RBFOX1: variants seen among roughly 807,000 people sequenced by gnomAD.
RBFOX1 encodes the protein RNA binding protein fox-1 homolog 1.
A neutral mutation model predicts 57.7 loss-of-function variants in RBFOX1; 8 were observed. The ratio of observed to expected loss-of-function variants is 0.14; its 90% CI spans 0.08 to 0.25. The LOEUF (loss-of-function observed/expected upper bound fraction) is 0.25. RBFOX1 is among the 10% of genes least tolerant of loss of function. RBFOX1 has a pLI of 1.00. For synonymous variants in RBFOX1, 326 were observed against 222.4 expected, an observed-to-expected ratio of 1.47 and a Z score of -4.15; for missense variants, 611 against 548.5, an observed-to-expected ratio of 1.11 and a Z score of -1.14.
chr16:6,101,185 C>G (rs976082112), intron 1 of RBFOX1, among the ~76,000 whole-genome samples: 2 of 152,176 alleles, frequency 1.3e-5, no homozygotes, highest in Non-Finnish European at 2.9e-5. Flanking sequence ...TTTATGAGAA[C>G]ATCTAAAGGC....
chr16:6,749,389 C>T (rs2074452477), intron 3 of RBFOX1, among the ~76,000 whole-genome samples: 1 of 152,180 alleles, frequency 6.6e-6, no homozygotes, highest in Admixed American at 6.6e-5. Flanking sequence ...CATCCTTCCC[C>T]CAAGGAGGCA....
Position 6,550,113 on chromosome 16 carries a change from G to A in RBFOX1, c.-63-104490G>A, listed in dbSNP as rs377492157. Among the ~76,000 whole-genome samples, 8 of 151,988 alleles carry A rather than the reference G, an allele frequency of 5.3e-5. No individual in the cohort carries two copies. The East Asian group carries it at 9.7e-4, about 18-fold the overall frequency. The stretch of plus-strand genomic sequence containing the variant: ...CTCCAGCTGAAACATTTTTCTCTTC[G>A]CTCTGTTTGGAGTCCCTCTCCCTCC... On this transcript the variant is annotated intron_variant, in intron 2 of 15. Coordinates refer to ENST00000550418, the MANE Select transcript of RBFOX1 (RefSeq NM_018723.4).
intron 5 of RBFOX1, 119 bp downstream of exon 5, chr16:7,518,508 A>C: frequency 7.5e-7 from 1 of 1,339,764 alleles, no homozygotes; most frequent in Non-Finnish European, 9.9e-7. Context: ...TCAGTCCCTA[A>C]GCCCACCCTC....
chr16:7,538,914 A>T (rs2082196134), intron 5 of RBFOX1, among the ~76,000 whole-genome samples: 2 of 138,306 alleles, frequency 1.4e-5, no homozygotes, highest in South Asian at 2.4e-4. Flanking sequence ...CACAGCATGG[A>T]GTTCTATGGT....
At chr16:7,040,045 A>G (rs1314132896) in intron 3 of RBFOX1, among the ~76,000 whole-genome samples, 5 of 151,262 alleles carry the variant, frequency 3.3e-5, no homozygotes, top group Non-Finnish European at 7.4e-5. Flanking sequence ...ATTTTGAGAC[A>G]AAGTCTTGCT....
Position 5,733,729 on chromosome 16 carries a change from C to T in RBFOX1, c.319-133574C>T, listed in dbSNP as rs539884025. Among the ~76,000 whole-genome samples the T allele has an allele frequency of 2.2e-4, 33 of 152,040 alleles. 1 individual carries two copies. The highest frequency in any genetic ancestry group is 6.5e-4 in the African/African-American group (27 of 41,448). On this transcript the variant is annotated intron_variant, in intron 3 of 19. Transcript: ENST00000641259. ...CCCTTTCCCTCTTACCTCTTTATTC[C>T]CTTCCTATCTCTTCTTTCCTGTTTT...
intron 2 of RBFOX1, among the ~76,000 whole-genome samples, chr16:6,526,855 A>C (rs890207820): frequency 1.4e-5 from 2 of 138,744 alleles, no homozygotes; most frequent in South Asian, 4.2e-4. Context: ...AAAAAAAAAA[A>C]AAAACAACCA....
rs529348337 is a variant in RBFOX1, at chr16:5,661,913, G to A, written c.318+62952G>A. Among the ~76,000 whole-genome samples the A allele has an allele frequency of 3.9e-5, 6 of 152,204 alleles. No individual in the cohort carries two copies. The South Asian group carries it at 1.2e-3, about 32-fold the overall frequency. On this transcript the variant is annotated intron_variant, in intron 3 of 19. Transcript: ENST00000641259. ...CGATTCTCCTGCTGCAGCTGCCCGA[G>A]TCGCTGGGACTACAGGCACGTGCCA...
At chr16:5,274,612 C>A (rs186086006) in intron 1 of RBFOX1, among the ~76,000 whole-genome samples, 1 of 152,176 alleles carries the variant, frequency 6.6e-6, no homozygotes, top group Admixed American at 6.5e-5. Context: ...CGTCTCCTCC[C>A]TGGTGAGCAG....
chr16:7,195,014 C>T (rs548124203), intron 4 of RBFOX1, among the ~76,000 whole-genome samples: 2 of 150,788 alleles, frequency 1.3e-5, no homozygotes, highest in East Asian at 3.9e-4. Flanking sequence ...TTGATTGGTT[C>T]TTAATTAGTT....
chr16:6,750,901 C>T (rs78460619), intron 3 of RBFOX1, among the ~76,000 whole-genome samples: 34,736 of 152,102 alleles, frequency 0.23, 4,310 homozygotes, highest in Non-Finnish European at 0.28. Flanking sequence ...GTAGTGTTTT[C>T]TTCAGATTAG....
chr16:6,910,793 G>C (rs763292020), intron 3 of RBFOX1, among the ~76,000 whole-genome samples: 6 of 152,212 alleles, frequency 3.9e-5, no homozygotes, highest in Non-Finnish European at 8.8e-5. Context: ...GTCTGAGAAT[G>C]AGAAGGTTGT....
At chr16:7,672,377 T>C (rs533637953) in intron 13 of RBFOX1, among the ~76,000 whole-genome samples, 4 of 152,332 alleles carry the variant, frequency 2.6e-5, no homozygotes, top group African/African-American at 7.2e-5. Flanking sequence ...ATTCCCTTTT[T>C]TCTTCAGTAT....
intron 2 of RBFOX1, among the ~76,000 whole-genome samples, chr16:6,477,720 G>C (rs1311604746): frequency 4.6e-5 from 7 of 152,176 alleles, no homozygotes; most frequent in Admixed American, 6.5e-5. Context: ...GCCAGGTGTT[G>C]ACTTCTTTCT....
chr16:7,155,056 C>T (rs1411940161), intron 4 of RBFOX1, among the ~76,000 whole-genome samples: 1 of 151,964 alleles, frequency 6.6e-6, no homozygotes, highest in Admixed American at 6.6e-5. Context: ...CGGAGGGCAT[C>T]TTATGTGTGT....
intron 1 of RBFOX1, among the ~76,000 whole-genome samples, chr16:5,292,743 C>A (rs937165539): frequency 6.6e-6 from 1 of 152,072 alleles, no homozygotes; most frequent in African/African-American, 2.4e-5. Context: ...CCTGCCTCAG[C>A]CTCCTGAGTA....
At chr16:7,219,613 G>T (rs745814403) in intron 4 of RBFOX1, among the ~76,000 whole-genome samples, 2 of 152,144 alleles carry the variant, frequency 1.3e-5, no homozygotes, top group Non-Finnish European at 2.9e-5. Context: ...CAAGCGTGGC[G>T]GATTTTTCAC....
At chr16:5,739,214 GA>G (rs1388774969) in intron 3 of RBFOX1, among the ~76,000 whole-genome samples, 2 of 152,204 alleles carry the variant, frequency 1.3e-5, no homozygotes, top group Non-Finnish European at 2.9e-5. Context: ...AAGGATGAAA[GA>G]AAAATAAACT....
intron 1 of RBFOX1, among the ~76,000 whole-genome samples, chr16:5,427,671 G>C (rs1267023816): frequency 6.6e-6 from 1 of 152,112 alleles, no homozygotes; most frequent in Non-Finnish European, 1.5e-5. Flanking sequence ...TCAGGACATA[G>C]ACAAGGTTAC....
Sources: gnomAD v4.1 joint callset for allele counts (sites outside exome capture counted in the v4.1 genomes callset) on GRCh38, gnomAD v4.1.1 for gene constraint, MANE v1.5 for transcripts, NCBI Gene and HGNC (gene_info 2026-07-23, HGNC 2026-07-21) for gene names.